The following RAI14 variants were observed in gnomAD, a reference collection of about 807,000 sequenced individuals.
The protein encoded by RAI14 is ankycorbin.
In RAI14, 45 loss-of-function variants were observed where a neutral mutation model predicts 115.4. The ratio of observed to expected loss-of-function variants is 0.39; its 90% CI spans 0.31 to 0.50. The LOEUF is 0.50. Ranked by LOEUF, RAI14 falls within the 20% of genes least tolerant of loss-of-function variation. RAI14 has a pLI of 0.85. For synonymous variants in RAI14, 371 were observed against 415.4 expected, an observed-to-expected ratio of 0.89 and a Z score of 1.30; for missense variants, 939 against 1,131.2, an observed-to-expected ratio of 0.83 and a Z score of 2.44.
intron 1 of RAI14, among the ~76,000 whole-genome samples, chr5:34,661,837 C>A (rs1213609883): frequency 6.6e-5 from 10 of 152,172 alleles, no homozygotes; most frequent in African/African-American, 2.2e-4. Context: ...GCATTTCTTT[C>A]TTTTTTCTTG....
intron 2 of RAI14, among the ~76,000 whole-genome samples, chr5:34,713,557 T>TA (rs896892666): frequency 1.3e-5 from 2 of 152,224 alleles, no homozygotes. Context: ...GTTTCTTTTT[T>TA]AAAAAAATTT....
chr5:34,827,501 T>A lies in RAI14; in HGVS notation c.2799+1022T>A, dbSNP rs374559023. Among the ~76,000 whole-genome samples the A allele has an allele frequency of 1.3e-5, 2 of 152,252 alleles. No homozygotes were observed. Among genetic ancestry groups the A allele is most frequent in the African/African-American group, 4.8e-5 (2 of 41,538 alleles). Reference sequence around the variant, plus strand: ...AGTCTGTCCTGGACTGTCTCTAGCTTCCATATACAAACAGAACATGGATTT... The same window carrying A: ...AGTCTGTCCTGGACTGTCTCTAGCTACCATATACAAACAGAACATGGATTT... On this transcript the variant is annotated intron_variant, in intron 16 of 17. Transcript: ENST00000265109. This position sits in a 1 kb window ranked among gnomAD's most constrained non-coding sequence, Gnocchi z 4.2.
At chr5:34,747,044 T>C (rs1239093887) in intron 2 of RAI14, among the ~76,000 whole-genome samples, 1 of 152,224 alleles carries the variant, frequency 6.6e-6, no homozygotes. Flanking sequence ...TCCCCAGCCA[T>C]GTGGAACTGT....
intron 2 of RAI14, among the ~76,000 whole-genome samples, chr5:34,751,012 T>TG (rs946337964): frequency 1.3e-5 from 2 of 151,826 alleles, no homozygotes; most frequent in African/African-American, 4.8e-5. Flanking sequence ...CCACCATGCC[T>TG]GGCTCATTTT....
intron 3 of RAI14, among the ~76,000 whole-genome samples, chr5:34,794,801 T>G (rs1463646776): frequency 6.6e-6 from 1 of 152,220 alleles, no homozygotes; most frequent in Non-Finnish European, 1.5e-5. Flanking sequence ...TTAAGAGGTC[T>G]GGAATCAGAC....
chr5:34,817,299 A>T (rs1756372211), intron 12 of RAI14, among the ~76,000 whole-genome samples: 1 of 149,832 alleles, frequency 6.7e-6, no homozygotes, highest in Non-Finnish European at 1.5e-5. Flanking sequence ...AGAAAAAGTG[A>T]TATCTATTTA....
intron 1 of RAI14, among the ~76,000 whole-genome samples, chr5:34,683,813 C>T (rs1431267788): frequency 2.0e-5 from 3 of 151,954 alleles, no homozygotes; most frequent in Admixed American, 6.6e-5. Flanking sequence ...CTGCAAGCTC[C>T]GCCTCCCGGG....
chr5:34,751,396 G>T (rs1251126533), intron 2 of RAI14, among the ~76,000 whole-genome samples: 3 of 152,076 alleles, frequency 2.0e-5, no homozygotes, highest in Admixed American at 1.3e-4. Context: ...GCCCACCTCG[G>T]CCTCCCAAAG....
At chr5:34,675,318 A>G (rs1182124873) in intron 1 of RAI14, among the ~76,000 whole-genome samples, 1 of 152,234 alleles carries the variant, frequency 6.6e-6, no homozygotes, top group Non-Finnish European at 1.5e-5. Flanking sequence ...CATCACCACC[A>G]TCTAGTTTTA....
chr5:34,761,127 C>G (rs1748595165), intron 3 of RAI14, among the ~76,000 whole-genome samples: 1 of 152,162 alleles, frequency 6.6e-6, no homozygotes, highest in African/African-American at 2.4e-5. Flanking sequence ...GAGTCACCAC[C>G]TCCCTTTTGC....
At chr5:34,821,336 A>G (rs113512902) in intron 13 of RAI14, among the ~76,000 whole-genome samples, 3,346 of 152,308 alleles carry the variant, frequency 0.022, 102 homozygotes, top group African/African-American at 0.077. Context: ...TCTTAACTAC[A>G]GTAATGGTGG....
chr5:34,658,678 A>C (rs1459096348), intron 1 of RAI14, among the ~76,000 whole-genome samples: 1 of 152,020 alleles, frequency 6.6e-6, no homozygotes, highest in African/African-American at 2.4e-5. Context: ...CGCACTTGTA[A>C]TCCCAGCTAC....
intron 3 of RAI14, among the ~76,000 whole-genome samples, chr5:34,766,126 G>A: frequency 6.6e-6 from 1 of 152,310 alleles, no homozygotes; most frequent in East Asian, 1.9e-4. Context: ...GCAGGGGTGG[G>A]GTGCACATGG....
intron 16 of RAI14, among the ~76,000 whole-genome samples, chr5:34,829,270 C>T (rs1167132395): frequency 1.3e-5 from 2 of 152,062 alleles, no homozygotes; most frequent in African/African-American, 4.8e-5. Flanking sequence ...TCACTACAAC[C>T]TCTGCCTCCT....
At chr5:34,797,348 A>G (rs896730059) in intron 4 of RAI14, among the ~76,000 whole-genome samples, 5 of 152,092 alleles carry the variant, frequency 3.3e-5, no homozygotes, top group Non-Finnish European at 7.3e-5. Flanking sequence ...TACTCAAAAT[A>G]TGGTTGGGAA....
At chr5:34,660,325 G>A (rs1279510810) in intron 1 of RAI14, among the ~76,000 whole-genome samples, 5 of 152,136 alleles carry the variant, frequency 3.3e-5, no homozygotes, top group South Asian at 2.1e-4. Context: ...CCAGCTACTC[G>A]GGAGGCTAAG....
At chr5:34,681,932 C>T (rs192206744) in intron 1 of RAI14, among the ~76,000 whole-genome samples, 12 of 150,684 alleles carry the variant, frequency 8.0e-5, no homozygotes, top group Middle Eastern at 3.4e-3. Context: ...CTTGGCTCAC[C>T]GCAACCTCTG....
chr5:34,659,711 G>T (rs1224500779), intron 1 of RAI14, among the ~76,000 whole-genome samples: 1 of 152,086 alleles, frequency 6.6e-6, no homozygotes, highest in East Asian at 1.9e-4. Flanking sequence ...TTAGTTAGTT[G>T]CTGGGTAATG....
chr5:34,660,799 G>A (rs1742632270), intron 1 of RAI14, among the ~76,000 whole-genome samples: 1 of 144,478 alleles, frequency 6.9e-6, no homozygotes. Flanking sequence ...TTTTCCCTAA[G>A]TTCATGTCAG....
Sources: gnomAD v4.1 joint callset for allele counts (sites outside exome capture counted in the v4.1 genomes callset) on GRCh38, gnomAD v4.1.1 for gene constraint, Gnocchi (gnomAD v3.1) non-coding constraint, MANE v1.5 for transcripts, NCBI Gene and HGNC (gene_info 2026-07-23, HGNC 2026-07-21) for gene names.